SPINK8: variants seen among roughly 807,000 people sequenced by gnomAD.
SPINK8 encodes the protein serine peptidase inhibitor Kazal type 8 (putative), also known as serine protease inhibitor Kazal-type 8.
Under a neutral mutation model 14.4 loss-of-function variants are expected in SPINK8, and 12 were observed. The observed-to-expected ratio is 0.83, with a 90% CI of 0.53 to 1.35. The LOEUF (loss-of-function observed/expected upper bound fraction) is 1.35, where lower values mean the gene tolerates loss of function less well. Among genes scored for constraint, SPINK8 ranks in the 40% most tolerant of loss-of-function variants. The pLI is 0.00. For synonymous variants in SPINK8, 32 were observed against 37.6 expected (o/e 0.85, Z 0.55); for missense variants, 103 against 117.0 (o/e 0.88, Z 0.55).
chr3:48,307,750 A>G (rs1181667967), intron 7 of SPINK8, among the ~76,000 whole-genome samples: 1 of 152,006 alleles, frequency 6.6e-6, no homozygotes, highest in East Asian at 1.9e-4. Flanking sequence ...TTTGAGTTTC[A>G]TGATAACCCA....
chr3:48,306,947 G>T lies in SPINK8; in HGVS notation c.*45C>A. ...AAGAGGCAACCATTGTGTTTCACTT[G>T]GCAATCTGGAGATTCAGTAGGTTTT... On this transcript the variant is annotated 3_prime_UTR_variant, in exon 8 of 8. Transcript: ENST00000434006. 6.2e-7 allele frequency: 1 copy of T among 1,606,752 alleles called. No individual in the cohort carries two copies. Among genetic ancestry groups the T allele is most frequent in the South Asian group, 1.1e-5 (1 of 89,908 alleles).
intron 6 of SPINK8, among the ~76,000 whole-genome samples, chr3:48,317,991 C>T (rs1413875410): frequency 6.6e-6 from 1 of 152,190 alleles, no homozygotes; most frequent in African/African-American, 2.4e-5. Flanking sequence ...CCTTCTGCCT[C>T]AGCTTCCCAA....
intron 2 of SPINK8, among the ~76,000 whole-genome samples, chr3:48,330,311 G>T (rs2036235142): frequency 6.6e-6 from 1 of 152,156 alleles, no homozygotes; most frequent in Non-Finnish European, 1.5e-5. Flanking sequence ...TTGAGGCTAG[G>T]AGTTCGAGAC....
intron 6 of SPINK8, among the ~76,000 whole-genome samples, chr3:48,312,445 C>T (rs747984118): frequency 6.6e-6 from 1 of 151,834 alleles, no homozygotes; most frequent in Non-Finnish European, 1.5e-5. Context: ...GAATTTGAGA[C>T]CAGCCTGGCC....
At chr3:48,308,233 C>T (rs1208745775) in intron 7 of SPINK8, among the ~76,000 whole-genome samples, 1 of 152,088 alleles carries the variant, frequency 6.6e-6, no homozygotes, top group Non-Finnish European at 1.5e-5. Flanking sequence ...CTTGGCCTCC[C>T]AAAGTGCTGG....
chr3:48,321,584 G>T (rs1002358113), intron 4 of SPINK8, among the ~76,000 whole-genome samples: 1 of 151,322 alleles, frequency 6.6e-6, no homozygotes, highest in East Asian at 1.9e-4. Context: ...ACATATCATA[G>T]AATTTTACCA....
chr3:48,331,397 G>C lies in SPINK8; in HGVS notation c.-136+969C>G, dbSNP rs191452728. On this transcript the variant is annotated intron_variant, in intron 2 of 7. Transcript: ENST00000434006. The stretch of plus-strand genomic sequence containing the variant: ...CTTTGGCTTCAATATCTGCTTGGCG[G>C]TTCCCTTTCTATTTCCCTTTCCTTT... Among the ~76,000 whole-genome samples, 9 of 152,180 alleles carry C rather than the reference G, an allele frequency of 5.9e-5. No homozygotes were observed. In the East Asian group the frequency reaches 1.5e-3, roughly 26 times the overall value.
intron 7 of SPINK8, among the ~76,000 whole-genome samples, chr3:48,308,581 G>A (rs1053509301): frequency 1.3e-5 from 2 of 152,182 alleles, no homozygotes; most frequent in African/African-American, 4.8e-5. Context: ...ATGAAAGGAA[G>A]CTCACTGTAT....
chr3:48,326,050 C>G (rs1003239149), intron 4 of SPINK8, among the ~76,000 whole-genome samples: 1 of 151,902 alleles, frequency 6.6e-6, no homozygotes, highest in African/African-American at 2.4e-5. Flanking sequence ...AAAAGAGAAC[C>G]CTGCCTCTGG....
chr3:48,320,150 A>G (rs1000921719), intron 5 of SPINK8, among the ~76,000 whole-genome samples: 2 of 150,664 alleles, frequency 1.3e-5, no homozygotes, highest in African/African-American at 4.9e-5. Flanking sequence ...AAAAGATAAA[A>G]ATCCCTGCCC....
intron 6 of SPINK8, among the ~76,000 whole-genome samples, 182 bp from the exon 7 acceptor site, chr3:48,310,128 G>T (rs6793239): frequency 0.22 from 32,803 of 151,978 alleles, 4,362 homozygotes; most frequent in South Asian, 0.3. Context: ...ATTGAGTATA[G>T]AAAACATACT....
chr3:48,332,078 T>C (rs2036271690), intron 2 of SPINK8, among the ~76,000 whole-genome samples: 1 of 152,212 alleles, frequency 6.6e-6, no homozygotes, highest in Admixed American at 6.5e-5. Flanking sequence ...CTTATTTCTA[T>C]TCGGACAATC....
intron 5 of SPINK8, 108 bp from the exon 6 acceptor site, chr3:48,319,726 T>G: frequency 6.8e-7 from 1 of 1,476,476 alleles, no homozygotes; most frequent in South Asian, 1.3e-5. Context: ...AGATCAGGAG[T>G]TCAGAGAAAA....
intron 7 of SPINK8, among the ~76,000 whole-genome samples, chr3:48,309,171 T>C (rs1280660704): frequency 6.6e-6 from 1 of 152,224 alleles, no homozygotes; most frequent in Non-Finnish European, 1.5e-5. Context: ...TATACAATTG[T>C]CCTGTTTTAC....
intron 7 of SPINK8, among the ~76,000 whole-genome samples, chr3:48,307,961 C>CTTTTTTTTTTT (rs869147798): frequency 2.9e-5 from 2 of 68,214 alleles, no homozygotes; most frequent in African/African-American, 6.4e-5. Flanking sequence ...AGTCTGCATT[C>CTTTTTTTTTTT]TTTTTTTTTT....
chr3:48,328,062 A>AT (rs1162943634), intron 4 of SPINK8, among the ~76,000 whole-genome samples: 1 of 152,204 alleles, frequency 6.6e-6, no homozygotes, highest in Non-Finnish European at 1.5e-5. Context: ...GGGAAGTTCA[A>AT]TGTTCCTGGA....
Position 48,321,072 on chromosome 3 carries a change from A to G in SPINK8, c.70T>C (p.Phe24Leu), listed in dbSNP as rs2036067574. ...TSMWMAFAID[F>L]PLPMASERGQ... ...CTTTCAGAGGCCATAGGAAGGGGGA[A>G]GTCTGGAAGACAAAAGCACATACAG... The change falls in exon 5 of 8, where the codon TTC becomes CTC. Residue 24 changes from phenylalanine to leucine, a missense_variant and splice_region_variant. Phe to Leu is a conservative substitution (Grantham distance 22). Transcript: ENST00000434006. 3 of 1,579,560 alleles carry G rather than the reference A, an allele frequency of 1.9e-6. No individual in the cohort carries two copies. The South Asian group carries it at 3.5e-5, about 18-fold the overall frequency.
At chr3:48,311,544 A>T (rs2035924935) in intron 6 of SPINK8, among the ~76,000 whole-genome samples, 1 of 152,242 alleles carries the variant, frequency 6.6e-6, no homozygotes. Flanking sequence ...CAAGTTGCAG[A>T]GTACAAGATT....
At chr3:48,319,731 A>G (rs2107097974) in intron 5 of SPINK8, 113 bp from the exon 6 acceptor site, 1 of 1,447,858 alleles carries the variant, frequency 6.9e-7, no homozygotes, top group Non-Finnish European at 9.3e-7. Flanking sequence ...AGGAGTTCAG[A>G]GAAAAGGATT....
Sources: gnomAD v4.1 joint callset for allele counts (sites outside exome capture counted in the v4.1 genomes callset) on GRCh38, gnomAD v4.1.1 for gene constraint, MANE v1.5 for transcripts, NCBI Gene and HGNC (gene_info 2026-07-23, HGNC 2026-07-21) for gene names.